STK32B: variants seen among roughly 807,000 people sequenced by gnomAD.
STK32B encodes serine/threonine kinase 32B, also known as serine/threonine-protein kinase 32B.
A neutral mutation model predicts 52.6 loss-of-function variants in STK32B; 43 were observed. That is an observed-to-expected ratio of 0.82 (90% confidence interval 0.64 to 1.05). The LOEUF is 1.05. Among genes scored for constraint, STK32B ranks in the 50% least tolerant of loss-of-function variants. The probability of loss-of-function intolerance (pLI) is 0.00; values close to 1 mark genes in which losing one functional copy is unlikely to be tolerated. For synonymous variants in STK32B, 238 were observed against 204.3 expected (o/e 1.17, Z -1.41); for missense variants, 621 against 534.6 (o/e 1.16, Z -1.59).
At chr4:5,246,217 A>T (rs1453630253) in intron 3 of STK32B, among the ~76,000 whole-genome samples, 7 of 152,114 alleles carry the variant, frequency 4.6e-5, no homozygotes, top group Non-Finnish European at 1.0e-4. Context: ...CACCAATGAG[A>T]CGTAGATTTG....
intron 5 of STK32B, among the ~76,000 whole-genome samples, chr4:5,415,431 A>G (rs147417268): frequency 2.0e-5 from 3 of 152,278 alleles, no homozygotes; most frequent in African/African-American, 7.2e-5. Flanking sequence ...TGTGCACCCA[A>G]CTACTACTAC....
intron 9 of STK32B, among the ~76,000 whole-genome samples, chr4:5,466,030 C>T (rs906592587): frequency 6.6e-6 from 1 of 152,190 alleles, no homozygotes; most frequent in Admixed American, 6.5e-5. Context: ...CTGTGCGCGC[C>T]AAAGCTGCTG....
chr4:5,242,384 A>G (rs140095977), intron 3 of STK32B, among the ~76,000 whole-genome samples: 12,251 of 152,176 alleles, frequency 0.081, 739 homozygotes, highest in African/African-American at 0.17. Flanking sequence ...TCTTTTGAGA[A>G]GTGTCTGTTC....
chr4:5,134,685 C>T (rs1337311450), intron 1 of STK32B, among the ~76,000 whole-genome samples: 14 of 152,224 alleles, frequency 9.2e-5, no homozygotes, highest in African/African-American at 3.1e-4. Flanking sequence ...ACTAAACACA[C>T]GCATGACCCA....
chr4:5,246,325 G>T (rs1211697952), intron 3 of STK32B, among the ~76,000 whole-genome samples: 2 of 151,876 alleles, frequency 1.3e-5, no homozygotes, highest in Non-Finnish European at 2.9e-5. Flanking sequence ...CATGCATTTT[G>T]TCTTCCATAG....
At chr4:5,461,780 A>G (rs1717045601) in intron 9 of STK32B, among the ~76,000 whole-genome samples, 1 of 152,164 alleles carries the variant, frequency 6.6e-6, no homozygotes, top group Non-Finnish European at 1.5e-5. Flanking sequence ...AGGCCTGGCC[A>G]TGTGCCGTTC....
intron 3 of STK32B, among the ~76,000 whole-genome samples, chr4:5,304,898 G>T (rs1577318664): frequency 6.6e-6 from 1 of 152,024 alleles, no homozygotes; most frequent in Non-Finnish European, 1.5e-5. Context: ...TAATCATAAA[G>T]CATTGATGGA....
intron 5 of STK32B, among the ~76,000 whole-genome samples, chr4:5,408,598 G>A (rs1256593879): frequency 6.6e-6 from 1 of 152,078 alleles, no homozygotes. Flanking sequence ...CCCTCCTCGT[G>A]GAAATTGAAA....
chr4:5,326,959 T>C (rs1392647240), intron 3 of STK32B, among the ~76,000 whole-genome samples: 1 of 152,202 alleles, frequency 6.6e-6, no homozygotes, highest in Non-Finnish European at 1.5e-5. Flanking sequence ...CTTTATCAAC[T>C]AAGCTTATGT....
At chr4:5,277,086 G>A (rs1044317511) in intron 3 of STK32B, among the ~76,000 whole-genome samples, 31 of 152,200 alleles carry the variant, frequency 2.0e-4, no homozygotes, top group African/African-American at 6.8e-4. Flanking sequence ...TATGATACAT[G>A]TGGGGCATTC....
intron 2 of STK32B, among the ~76,000 whole-genome samples, chr4:5,156,934 A>G (rs1318486884): frequency 6.6e-6 from 1 of 152,124 alleles, no homozygotes; most frequent in Non-Finnish European, 1.5e-5. Context: ...CTCATTCCAC[A>G]TGAGAATAAG....
intron 4 of STK32B, among the ~76,000 whole-genome samples, chr4:5,356,854 C>T (rs1038869314): frequency 6.6e-6 from 1 of 152,032 alleles, no homozygotes; most frequent in Admixed American, 6.5e-5. Flanking sequence ...AAAAATTAGC[C>T]AGACGTGGTG....
intron 4 of STK32B, among the ~76,000 whole-genome samples, chr4:5,357,762 T>C (rs1182142981): frequency 6.6e-6 from 1 of 151,952 alleles, no homozygotes; most frequent in African/African-American, 2.4e-5. Flanking sequence ...AGATCAATAA[T>C]GAGATAGTAA....
chr4:5,417,028 A>G, intron 6 of STK32B, 94 bp downstream of exon 6: 1 of 1,128,836 alleles, frequency 8.9e-7, no homozygotes, highest in Non-Finnish European at 1.3e-6. Flanking sequence ...GCCCGCTGCC[A>G]CATACCCTCC....
chr4:5,062,656 C>T (rs1742261586), intron 1 of STK32B, among the ~76,000 whole-genome samples: 1 of 151,906 alleles, frequency 6.6e-6, no homozygotes, highest in Non-Finnish European at 1.5e-5. Context: ...CTACAGGCAC[C>T]TGCCACCATG....
rs550153379 is a variant in STK32B, at chr4:5,453,884, G to C, written c.667-2923G>C. Among the ~76,000 whole-genome samples the C allele has an allele frequency of 6.6e-6, 1 of 151,556 alleles. No individual in the cohort carries two copies. Among genetic ancestry groups the C allele is most frequent in the African/African-American group, 2.4e-5 (1 of 41,360 alleles). On this transcript the variant is annotated intron_variant, in intron 7 of 11. Coordinates refer to ENST00000282908, the MANE Select transcript of STK32B (RefSeq NM_018401.3). This position sits in a 1 kb window ranked among gnomAD's most constrained non-coding sequence, Gnocchi z 4.0. ...CATACCATTGCACTCCAGTCTAGGCGACAAGAGTGAAACTCCATCTAAAAA... is the reference window on the plus strand; with the variant it reads ...CATACCATTGCACTCCAGTCTAGGCCACAAGAGTGAAACTCCATCTAAAAA...
chr4:5,498,642 A>G (rs1367149645), intron 11 of STK32B, among the ~76,000 whole-genome samples: 19 of 152,270 alleles, frequency 1.2e-4, no homozygotes, highest in Non-Finnish European at 2.6e-4. Flanking sequence ...CAAAAATATA[A>G]ATATGTGATC....
intron 4 of STK32B, among the ~76,000 whole-genome samples, chr4:5,363,051 A>G (rs1734651849): frequency 6.6e-6 from 1 of 152,132 alleles, no homozygotes; most frequent in Admixed American, 6.5e-5. Context: ...AGCATCTCAC[A>G]TACAACCACA....
chr4:5,376,194 C>A (rs973092321), intron 4 of STK32B, among the ~76,000 whole-genome samples: 1 of 152,188 alleles, frequency 6.6e-6, no homozygotes, highest in African/African-American at 2.4e-5. Context: ...TCCGCCGGAC[C>A]AGGTTCTCCA....
Sources: gnomAD v4.1 joint callset for allele counts (sites outside exome capture counted in the v4.1 genomes callset) on GRCh38, gnomAD v4.1.1 for gene constraint, Gnocchi (gnomAD v3.1) non-coding constraint, MANE v1.5 for transcripts, NCBI Gene and HGNC (gene_info 2026-07-23, HGNC 2026-07-21) for gene names.